RIMS2: variants seen among roughly 807,000 people sequenced by gnomAD.
RIMS2 encodes regulating synaptic membrane exocytosis protein 2.
A neutral mutation model predicts 174.4 loss-of-function variants in RIMS2; 59 were observed. The ratio of observed to expected loss-of-function variants is 0.34; its 90% CI spans 0.27 to 0.42. The LOEUF is 0.42. Ranked by LOEUF, RIMS2 falls within the 10% of genes least tolerant of loss-of-function variation. The pLI, the probability that RIMS2 is intolerant of heterozygous loss-of-function variation, is 1.00. For missense variants in RIMS2, 1,620 were observed against 1,666.3 expected (o/e 0.97, Z 0.48); for synonymous variants, 606 against 572.5 (o/e 1.06, Z -0.84).
At chr8:104,186,544 T>C (rs1388701153) in intron 19 of RIMS2, among the ~76,000 whole-genome samples, 1 of 151,766 alleles carries the variant, frequency 6.6e-6, no homozygotes, top group Non-Finnish European at 1.5e-5. Context: ...GCAGAAACAG[T>C]TGGGGAGAAT....
chr8:104,050,955 G>T (rs2154558796), intron 19 of RIMS2, among the ~76,000 whole-genome samples: 1 of 152,176 alleles, frequency 6.6e-6, no homozygotes, highest in Admixed American at 6.5e-5. Context: ...AGGTAAATTG[G>T]CCATGCGTGG....
At chr8:104,051,586 A>C (rs1429663065) in intron 19 of RIMS2, among the ~76,000 whole-genome samples, 1 of 152,152 alleles carries the variant, frequency 6.6e-6, no homozygotes, top group Non-Finnish European at 1.5e-5. Context: ...AACTGCTCAA[A>C]AAGAAAAGGG....
At chr8:103,655,169 A>G (rs1299351450) in intron 1 of RIMS2, among the ~76,000 whole-genome samples, 1 of 151,998 alleles carries the variant, frequency 6.6e-6, no homozygotes. Flanking sequence ...TAGAAAATTG[A>G]ATGAGCCATT....
At chr8:104,207,098 C>CT (rs992474452) in intron 19 of RIMS2, among the ~76,000 whole-genome samples, 4 of 152,170 alleles carry the variant, frequency 2.6e-5, no homozygotes, top group East Asian at 1.9e-4. Context: ...AAACAGGCTT[C>CT]TTTTTTTACA....
Position 103,638,817 on chromosome 8 carries a change from C to T in RIMS2, c.177-58269C>T, listed in dbSNP as rs12544417. ...CAATTGGGATGTCACTGTTTCTAGG[C>T]TCTCTCAGCAAACAAAATGAGGAAA... On this transcript the variant is annotated intron_variant, in intron 1 of 23. Coordinates refer to ENST00000504942, the Ensembl canonical transcript of RIMS2. Among the ~76,000 whole-genome samples the T allele has an allele frequency of 4.4e-3, 668 of 152,108 alleles. 23 individuals are homozygous for T. The highest frequency in any genetic ancestry group is 0.035 in the Admixed American group (533 of 15,282).
intron 3 of RIMS2, among the ~76,000 whole-genome samples, chr8:103,776,705 A>G (rs2098321851): frequency 1.3e-5 from 2 of 152,228 alleles, no homozygotes; most frequent in South Asian, 2.1e-4. Flanking sequence ...GTCACAGAAT[A>G]CATCCTTGCA....
chr8:103,869,637 A>G (rs527857283), intron 3 of RIMS2, among the ~76,000 whole-genome samples: 1 of 152,192 alleles, frequency 6.6e-6, no homozygotes, highest in East Asian at 1.9e-4. Context: ...ACACGCTTCT[A>G]ATAAAAAAAA....
At chr8:103,738,471 G>T (rs1183676607) in intron 2 of RIMS2, among the ~76,000 whole-genome samples, 1 of 152,134 alleles carries the variant, frequency 6.6e-6, no homozygotes, top group Admixed American at 6.6e-5. Context: ...CACAGGCATG[G>T]ACAAGGACTT....
At chr8:103,812,786 A>G (rs986553036) in intron 3 of RIMS2, among the ~76,000 whole-genome samples, 12 of 152,162 alleles carry the variant, frequency 7.9e-5, no homozygotes, top group African/African-American at 2.4e-4. Context: ...GAATTGTTCT[A>G]TGATCCGTGC....
At chr8:104,107,966 T>TC (rs1555232622) in intron 19 of RIMS2, among the ~76,000 whole-genome samples, 51 of 109,742 alleles carry the variant, frequency 4.6e-4, no homozygotes, top group Admixed American at 7.6e-4. Flanking sequence ...GTCTTTCCCC[T>TC]GCCCCCCCCC....
At chr8:103,783,000 G>A (rs1013038148) in intron 3 of RIMS2, among the ~76,000 whole-genome samples, 2 of 152,062 alleles carry the variant, frequency 1.3e-5, no homozygotes, top group Non-Finnish European at 2.9e-5. Flanking sequence ...GTCAAGATTA[G>A]GGTACAAGCT....
At chr8:103,815,090 A>G (rs1193632957) in intron 3 of RIMS2, among the ~76,000 whole-genome samples, 2 of 152,162 alleles carry the variant, frequency 1.3e-5, no homozygotes, top group Non-Finnish European at 2.9e-5. Flanking sequence ...GTATAAATGG[A>G]AAAAATTTGT....
intron 17 of RIMS2, among the ~76,000 whole-genome samples, chr8:103,999,933 A>C (rs78033576): frequency 0.026 from 3,889 of 151,886 alleles, 144 homozygotes; most frequent in African/African-American, 0.086. Context: ...AGAGATCATT[A>C]ATGTTTATAT....
At chr8:103,918,916 G>A (rs2077101821) in intron 9 of RIMS2, among the ~76,000 whole-genome samples, 1 of 151,956 alleles carries the variant, frequency 6.6e-6, no homozygotes, top group Non-Finnish European at 1.5e-5. Flanking sequence ...TTAAGTGGGG[G>A]GAAATGCTTG....
chr8:103,581,984 T>A lies in RIMS2; in HGVS notation c.176+80922T>A, dbSNP rs566420912. 1.2e-4 allele frequency among the ~76,000 whole-genome samples: 19 copies of A among 152,332 alleles called. No homozygotes were observed. The South Asian group carries it at 1.4e-3, about 12-fold the overall frequency. On this transcript the variant is annotated intron_variant, in intron 1 of 23. Transcript: ENST00000504942. ...GGGAATGTAAGCATCACTCCTTCCCTAAACCCAGGCTACACAGCTTGTGGC... is the reference window on the plus strand; with the variant it reads ...GGGAATGTAAGCATCACTCCTTCCCAAAACCCAGGCTACACAGCTTGTGGC...
intron 17 of RIMS2, among the ~76,000 whole-genome samples, chr8:104,000,670 C>T (rs921323189): frequency 2.6e-5 from 4 of 151,714 alleles, no homozygotes; most frequent in African/African-American, 7.3e-5. Context: ...TTTATATTTC[C>T]ACCAGCAGTG....
intron 2 of RIMS2, among the ~76,000 whole-genome samples, chr8:103,728,717 A>G (rs943959129): frequency 2.1e-5 from 2 of 96,914 alleles, no homozygotes; most frequent in East Asian, 2.4e-4. Flanking sequence ...GCCTGTCCCT[A>G]TGGCTTTTAT....
chr8:103,768,370 G>A (rs1409097041), intron 3 of RIMS2: 3 of 731,966 alleles, frequency 4.1e-6, no homozygotes, highest in Non-Finnish European at 7.6e-6. Flanking sequence ...TTTATGAGAA[G>A]CATATGGCCA....
intron 19 of RIMS2, among the ~76,000 whole-genome samples, chr8:104,048,711 A>G (rs1195534875): frequency 6.8e-6 from 1 of 146,562 alleles, no homozygotes; most frequent in African/African-American, 2.6e-5. Flanking sequence ...TTTTTTTGAC[A>G]TATACATTAG....
Sources: gnomAD v4.1 joint callset for allele counts (sites outside exome capture counted in the v4.1 genomes callset) on GRCh38, gnomAD v4.1.1 for gene constraint, MANE v1.5 for transcripts, NCBI Gene and HGNC (gene_info 2026-07-23, HGNC 2026-07-21) for gene names.